LIPC: variants seen among roughly 807,000 people sequenced by gnomAD.
The protein encoded by LIPC is lipase C, hepatic type, also known as hepatic triacylglycerol lipase.
Under a neutral mutation model 50.7 loss-of-function variants are expected in LIPC, and 44 were observed. That is an observed-to-expected ratio of 0.87 (90% CI 0.68 to 1.11). LIPC has a LOEUF of 1.11. Ranked by LOEUF, LIPC falls within the 50% of genes most tolerant of loss-of-function variation. The pLI is 0.00. For synonymous variants in LIPC, 271 were observed against 256.4 expected (o/e 1.06, Z -0.54); for missense variants, 697 against 648.2 (o/e 1.08, Z -0.82).
chr15:58,442,069 T>C (rs1893526163), intron 1 of LIPC, among the ~76,000 whole-genome samples: 1 of 152,116 alleles, frequency 6.6e-6, no homozygotes, highest in African/African-American at 2.4e-5. Flanking sequence ...GCGTTTGAGG[T>C]CTCTTAATAC....
rs562000390 is a variant in LIPC, at chr15:58,544,486, C to G, written c.575-1256C>G. Among the ~76,000 whole-genome samples, 5 of 149,626 alleles carry G rather than the reference C, an allele frequency of 3.3e-5. No homozygotes were observed. In the South Asian group the frequency reaches 1.1e-3, roughly 32 times the overall value. The stretch of plus-strand genomic sequence containing the variant: ...TCTTGGCTCACTGCAGCCTCCACCT[C>G]CCTGGTTCAAGTGATTCTCCTGCCT... On this transcript the variant is annotated intron_variant, in intron 4 of 8. Coordinates refer to ENST00000299022, the MANE Select transcript of LIPC (RefSeq NM_000236.3).
chr15:58,495,101 C>T (rs147933267), intron 1 of LIPC, among the ~76,000 whole-genome samples: 22 of 152,308 alleles, frequency 1.4e-4, no homozygotes, highest in African/African-American at 5.3e-4. Flanking sequence ...CAGGGAATCT[C>T]TCTTTCTAAA....
chr15:58,527,899 G>A (rs1305169083), intron 1 of LIPC, among the ~76,000 whole-genome samples: 1 of 152,112 alleles, frequency 6.6e-6, no homozygotes, highest in African/African-American at 2.4e-5. Context: ...GGAAGCCCTA[G>A]GGAGGTTCAA....
chr15:58,493,491 G>GTA, intron 1 of LIPC, among the ~76,000 whole-genome samples: 1 of 149,836 alleles, frequency 6.7e-6, no homozygotes, highest in South Asian at 2.1e-4. Context: ...ATTTTTTTGT[G>GTA]TATATATACA....
intron 1 of LIPC, among the ~76,000 whole-genome samples, chr15:58,519,342 C>T (rs1028729863): frequency 2.0e-5 from 3 of 148,448 alleles, no homozygotes; most frequent in African/African-American, 7.4e-5. Context: ...ACCCGGGAGG[C>T]GGAGCTTGCA....
chr15:58,515,980 T>A (rs910538643), intron 1 of LIPC, among the ~76,000 whole-genome samples: 1 of 152,182 alleles, frequency 6.6e-6, no homozygotes, highest in Non-Finnish European at 1.5e-5. Context: ...AACACGGGGC[T>A]GTAATCATCG....
At chr15:58,498,283 T>A (rs1891845548) in intron 1 of LIPC, among the ~76,000 whole-genome samples, 1 of 152,058 alleles carries the variant, frequency 6.6e-6, no homozygotes, top group Admixed American at 6.5e-5. Context: ...CTCGCAAGGA[T>A]GTGGTTCAAT....
chr15:58,467,784 T>A (rs1219592392), intron 1 of LIPC, among the ~76,000 whole-genome samples: 1 of 152,196 alleles, frequency 6.6e-6, no homozygotes, highest in Non-Finnish European at 1.5e-5. Context: ...GCCTACCAGG[T>A]ATCCCTTACA....
At chr15:58,476,721 C>G (rs1009372745) in intron 1 of LIPC, among the ~76,000 whole-genome samples, 1 of 152,238 alleles carries the variant, frequency 6.6e-6, no homozygotes, top group Non-Finnish European at 1.5e-5. Context: ...TCTGGGACAT[C>G]TTGGGCAAGC....
At chr15:58,518,145 A>G (rs1188682969) in intron 1 of LIPC, among the ~76,000 whole-genome samples, 2 of 152,224 alleles carry the variant, frequency 1.3e-5, no homozygotes, top group African/African-American at 4.8e-5. Context: ...AAGGGTGTTG[A>G]GCAGTATCCC....
chr15:58,564,683 C>T (rs780094588), intron 8 of LIPC, among the ~76,000 whole-genome samples: 17 of 152,094 alleles, frequency 1.1e-4, no homozygotes, highest in South Asian at 2.1e-4. Flanking sequence ...GCCGAGATCG[C>T]GGCATTGCAC....
chr15:58,485,740 G>A (rs1891351488), intron 1 of LIPC, among the ~76,000 whole-genome samples: 1 of 152,262 alleles, frequency 6.6e-6, no homozygotes, highest in African/African-American at 2.4e-5. Context: ...TGTGGCATAA[G>A]CGAGAGAGCC....
At chr15:58,480,959 C>T (rs1212517928) in intron 1 of LIPC, among the ~76,000 whole-genome samples, 3 of 152,180 alleles carry the variant, frequency 2.0e-5, no homozygotes, top group African/African-American at 4.8e-5. Context: ...GTGATTTAAA[C>T]AGCCCCTAGT....
intron 1 of LIPC, among the ~76,000 whole-genome samples, chr15:58,532,609 G>T (rs1892992738): frequency 6.6e-6 from 1 of 152,166 alleles, no homozygotes; most frequent in African/African-American, 2.4e-5. Flanking sequence ...TCTTTCTTAT[G>T]CACTTGTGTG....
rs1434212140 is a variant in LIPC, at chr15:58,459,510, A to G, written c.88+27390A>G. Among the ~76,000 whole-genome samples, 14 of 152,156 alleles carry G rather than the reference A, an allele frequency of 9.2e-5. 1 individual carries two copies. The highest frequency in any genetic ancestry group is 3.4e-4 in the African/African-American group (14 of 41,438). ...GCATGGTCCAGATTTTCAGGAAACC[A>G]GCAGTTTCTGGAGGAAGTCCCACCC... is the stretch of plus-strand genomic sequence containing the variant. On this transcript the variant is annotated intron_variant, in intron 1 of 8. Transcript: ENST00000299022.
chr15:58,565,400 C>T, intron 8 of LIPC: 1 of 1,478,482 alleles, frequency 6.8e-7, no homozygotes, highest in Non-Finnish European at 8.9e-7. Flanking sequence ...ACAACACTAC[C>T]TTCTCCACTG....
chr15:58,463,874 CA>C (rs1894441342), intron 1 of LIPC, among the ~76,000 whole-genome samples: 1 of 152,110 alleles, frequency 6.6e-6, no homozygotes, highest in Non-Finnish European at 1.5e-5. Context: ...GAGGTCAATA[CA>C]AATAAAATCA....
intron 6 of LIPC, among the ~76,000 whole-genome samples, chr15:58,555,883 T>C (rs535768287): frequency 1.1e-3 from 165 of 152,312 alleles, no homozygotes; most frequent in Admixed American, 7.5e-3. Flanking sequence ...AAAATGCCCC[T>C]GCCTCTCTCT....
intron 1 of LIPC, among the ~76,000 whole-genome samples, chr15:58,527,724 A>T (rs1892835285): frequency 6.6e-6 from 1 of 152,212 alleles, no homozygotes; most frequent in Non-Finnish European, 1.5e-5. Context: ...TAGGTATCAC[A>T]GTGTATTCAC....
Sources: gnomAD v4.1 joint callset for allele counts (sites outside exome capture counted in the v4.1 genomes callset) on GRCh38, gnomAD v4.1.1 for gene constraint, MANE v1.5 for transcripts, NCBI Gene and HGNC (gene_info 2026-07-23, HGNC 2026-07-21) for gene names.